The following UTRN variants were observed in gnomAD, a reference collection of about 807,000 sequenced individuals.
UTRN encodes the protein dystrophin-related protein 1.
Under a neutral mutation model 463.9 loss-of-function variants are expected in UTRN, and 283 were observed. The observed-to-expected ratio is 0.61, with a 90% CI of 0.55 to 0.67. The LOEUF (loss-of-function observed/expected upper bound fraction) is 0.67, where lower values mean the gene tolerates loss of function less well. UTRN is among the 30% of genes least tolerant of loss of function. The pLI is 0.00. For missense variants in UTRN, 3,922 were observed against 4,084.3 expected, an observed-to-expected ratio of 0.96 and a Z score of 1.08; for synonymous variants, 1,442 against 1,431.5, an observed-to-expected ratio of 1.01 and a Z score of -0.17.
chr6:144,841,268 A>T (rs4895658), intron 73 of UTRN, among the ~76,000 whole-genome samples: 2 of 152,230 alleles, frequency 1.3e-5, no homozygotes, highest in African/African-American at 2.4e-5. Flanking sequence ...CAATGTCATC[A>T]GACTCCAGTG....
chr6:144,557,178 C>G lies in UTRN; in HGVS notation c.7156C>G (p.Pro2386Ala), dbSNP rs1379810297. 7 of 1,613,668 alleles carry G rather than the reference C, an allele frequency of 4.3e-6. No individual in the cohort carries two copies. The highest frequency in any genetic ancestry group is 5.9e-6 in the Non-Finnish European group (7 of 1,179,808). ...DNQILLQELG[P>A]GDGIVMAFDN... ...TCAGATACTGCTTCAAGAACTGGGT[C>G]CTGGAGATGGTATCGTCATGGCGTT... The change falls in exon 50 of 75, where the codon CCT becomes GCT. Residue 2386 changes from proline (P) to alanine (A), a missense_variant. Pro to Ala is a conservative substitution (Grantham distance 27). This residue lies in a region of UTRN where 1,309 missense variants were observed against 1,452.6 expected (regional missense o/e 0.90). Transcript: ENST00000367545.
rs142422607 is a variant in UTRN at position 144,780,901 on chromosome 6, T to G, written c.8633-1021T>G. Among the ~76,000 whole-genome samples the G allele has an allele frequency of 1.4e-3, 218 of 152,360 alleles. 1 individual carries two copies. Among genetic ancestry groups the G allele is most frequent in the Non-Finnish European group, 2.3e-3 (155 of 68,038 alleles). ...ATTCTTTCCTCACTTCATGTGGATCTCTTGTATTTTATCCATTTTTCAAAG... is the reference window on the plus strand; with the variant it reads ...ATTCTTTCCTCACTTCATGTGGATCGCTTGTATTTTATCCATTTTTCAAAG... On this transcript the variant is annotated intron_variant, in intron 60 of 74. Transcript: ENST00000367545.
At chr6:144,685,774 A>G (rs192010500) in intron 52 of UTRN, among the ~76,000 whole-genome samples, 2 of 149,164 alleles carry the variant, frequency 1.3e-5, no homozygotes, top group Non-Finnish European at 2.9e-5. Flanking sequence ...CTTTGTTGGG[A>G]GATTCTGGAT....
intron 3 of UTRN, among the ~76,000 whole-genome samples, chr6:144,410,775 A>C (rs927931630): frequency 1.3e-5 from 2 of 150,128 alleles, no homozygotes; most frequent in South Asian, 4.2e-4. Flanking sequence ...TGATGGCTGA[A>C]TAGTATTCCA....
intron 51 of UTRN, among the ~76,000 whole-genome samples, chr6:144,625,295 C>A (rs1210285058): frequency 6.6e-6 from 1 of 152,128 alleles, no homozygotes; most frequent in African/African-American, 2.4e-5. Flanking sequence ...TTGCCTTCAT[C>A]AATATTTTAG....
At chr6:144,323,410 C>T (rs1212640738) in intron 2 of UTRN, among the ~76,000 whole-genome samples, 1 of 152,104 alleles carries the variant, frequency 6.6e-6, no homozygotes, top group Non-Finnish European at 1.5e-5. Context: ...AGAGCCCTCC[C>T]TCCCTCCAAT....
chr6:144,837,904 G>C (rs1781237701), intron 71 of UTRN, among the ~76,000 whole-genome samples: 1 of 152,192 alleles, frequency 6.6e-6, no homozygotes, highest in South Asian at 2.1e-4. Flanking sequence ...TTTCCCAAGA[G>C]TGACCCAAGA....
In UTRN at chr6:144,523,331, A is replaced by G. The variant is rs576077343; in HGVS notation, c.5906+143A>G. The G allele has an allele frequency of 5.6e-4, 371 of 666,066 alleles. 2 individuals are homozygous for G. Among genetic ancestry groups the G allele is most frequent in the Non-Finnish European group, 7.3e-4 (328 of 452,276 alleles). The allele number at this position is 666,066 out of a possible 1,614,324, so 41.3% of individuals were successfully genotyped here. A position where few individuals can be genotyped will look rare whatever the true frequency, so the allele number is the denominator to read the frequency against. The stretch of plus-strand genomic sequence containing the variant: ...CCCTATTATTTTTTTTTCTTTTAAG[A>G]AGGAGTCTTGCTCTGTCACCCAGGC... On this transcript the variant is annotated intron_variant, in intron 41 of 74. Coordinates refer to ENST00000367545, the MANE Select transcript of UTRN (RefSeq NM_007124.3).
chr6:144,702,088 C>G (rs1054952097), intron 53 of UTRN, among the ~76,000 whole-genome samples: 3 of 152,134 alleles, frequency 2.0e-5, no homozygotes, highest in African/African-American at 7.2e-5. Context: ...AACAGAATAA[C>G]ACAAAGCTCT....
At chr6:144,401,414 A>G (rs1028581256) in intron 2 of UTRN, among the ~76,000 whole-genome samples, 1 of 152,134 alleles carries the variant, frequency 6.6e-6, no homozygotes, top group African/African-American at 2.4e-5. Flanking sequence ...CCTCTTTGAT[A>G]TGAAGATGGT....
intron 55 of UTRN, 91 bp downstream of exon 55, chr6:144,748,605 A>G: frequency 6.7e-7 from 1 of 1,492,376 alleles, no homozygotes; most frequent in South Asian, 1.4e-5. Context: ...AAATTGTTAT[A>G]AGGGATTGTT....
intron 53 of UTRN, among the ~76,000 whole-genome samples, chr6:144,704,769 C>T: frequency 6.6e-6 from 1 of 152,056 alleles, no homozygotes; most frequent in Admixed American, 6.5e-5. Flanking sequence ...CAAGACCTTC[C>T]TGGCCAACAT....
intron 3 of UTRN, among the ~76,000 whole-genome samples, chr6:144,412,255 T>A (rs1783962391): frequency 6.6e-6 from 1 of 152,152 alleles, no homozygotes; most frequent in Non-Finnish European, 1.5e-5. Flanking sequence ...GATAAATCAA[T>A]AAATCCAAAG....
intron 7 of UTRN, among the ~76,000 whole-genome samples, chr6:144,428,059 C>T (rs1307363138): frequency 6.6e-6 from 1 of 151,842 alleles, no homozygotes; most frequent in Non-Finnish European, 1.5e-5. Flanking sequence ...GAAGTGCATC[C>T]CAGAAGGTGG....
intron 58 of UTRN, among the ~76,000 whole-genome samples, chr6:144,760,908 A>T (rs1283002667): frequency 6.6e-6 from 1 of 152,180 alleles, no homozygotes; most frequent in Non-Finnish European, 1.5e-5. Context: ...AGTTGAAAGG[A>T]GACTAGGAAG....
chr6:144,368,191 G>A (rs1209874323), intron 2 of UTRN, among the ~76,000 whole-genome samples: 1 of 152,080 alleles, frequency 6.6e-6, no homozygotes, highest in Non-Finnish European at 1.5e-5. Context: ...ACAGGCTGTT[G>A]GGAATTATCA....
At position 144,732,225 on chromosome 6, in the gene UTRN, T is replaced by TATATAC. The variant is rs1562832089; in HGVS notation, c.7939+1744_7939+1745insCATATA. On this transcript the variant is annotated intron_variant, in intron 54 of 74. Transcript: ENST00000367545. ...TTGAGTACTCTGTTTTATATATATA[T>TATATAC]ATATATATATATACATATATATATA... Among the ~76,000 whole-genome samples the TATATAC allele has an allele frequency of 5.1e-3, 234 of 45,934 alleles. 8 individuals carry two copies. Among genetic ancestry groups the TATATAC allele is most frequent in the Middle Eastern group, 0.025 (3 of 118 alleles). The allele number at this position is 45,934 out of a possible 152,430, so 30.1% of individuals were successfully genotyped here. A position where few individuals can be genotyped will look rare whatever the true frequency, so the allele number is the denominator to read the frequency against.
rs146176771 is a variant in UTRN at position 144,667,951 on chromosome 6, A to G, written c.7480-10455A>G. Among the ~76,000 whole-genome samples, 25 of 152,284 alleles carry G rather than the reference A, an allele frequency of 1.6e-4. No individual in the cohort carries two copies. The East Asian group carries it at 4.8e-3, about 29-fold the overall frequency. On this transcript the variant is annotated intron_variant, in intron 51 of 74. Coordinates refer to ENST00000367545, the MANE Select transcript of UTRN (RefSeq NM_007124.3). ...TTCAACAATCTCAGAGTTTTTATTCAGCGGTTAGGCCTAATTCTGCAAACT... is the reference window on the plus strand; with the variant it reads ...TTCAACAATCTCAGAGTTTTTATTCGGCGGTTAGGCCTAATTCTGCAAACT...
In UTRN at chr6:144,361,664, A is replaced by G. The variant is rs1052753796; in HGVS notation, c.80-41459A>G. Among the ~76,000 whole-genome samples the G allele has an allele frequency of 2.6e-5, 4 of 152,174 alleles. No individual in the cohort carries two copies. The East Asian group carries it at 7.7e-4, about 29-fold the overall frequency. ...GAGTGCAATGGCATGACCATGGCTCATGCAGCCTCAACCTTCTGGGTTCAA... is the reference window on the plus strand; with the variant it reads ...GAGTGCAATGGCATGACCATGGCTCGTGCAGCCTCAACCTTCTGGGTTCAA... On this transcript the variant is annotated intron_variant, in intron 2 of 74. Coordinates refer to ENST00000367545, the MANE Select transcript of UTRN (RefSeq NM_007124.3).
Sources: allele counts gnomAD v4.1 joint callset (sites outside exome capture counted in the v4.1 genomes callset), GRCh38; gene constraint gnomAD v4.1.1; regional missense constraint gnomAD v4.1.1; transcripts MANE v1.5; gene names NCBI Gene and HGNC (gene_info 2026-07-23, HGNC 2026-07-21).